The following TRIM29 variants were observed in gnomAD, a reference collection of about 807,000 sequenced individuals.
TRIM29 encodes tripartite motif containing 29.
In TRIM29, 52 loss-of-function variants were observed where a neutral mutation model predicts 57.3. That is an observed-to-expected ratio of 0.91 (90% CI 0.73 to 1.14). The LOEUF is 1.14. Among genes scored for constraint, TRIM29 ranks in the 50% most tolerant of loss-of-function variants. TRIM29 has a pLI of 0.00. For missense variants in TRIM29, 753 were observed against 774.6 expected, an observed-to-expected ratio of 0.97 and a Z score of 0.33; for synonymous variants, 319 against 316.9, an observed-to-expected ratio of 1.01 and a Z score of -0.07.
At chr11:120,129,057 T>A in intron 1 of TRIM29, 1 of 536,252 alleles carries the variant, frequency 1.9e-6, no homozygotes, top group Non-Finnish European at 2.8e-6. Context: ...CATTCTGCAG[T>A]TTTGGCAAGA....
rs916848352 is a variant in TRIM29 at position 120,137,929 on chromosome 11, C to A, written c.103G>T (p.Ala35Ser). The A allele has an allele frequency of 8.7e-6, 14 of 1,609,182 alleles. No homozygotes were observed. Among genetic ancestry groups the A allele is most frequent in the Non-Finnish European group, 1.0e-5 (12 of 1,180,004 alleles). ...GTGGTCTTGGCATCCTTGCCGTCAG[C>A]CTTGGTGCCATTCTCCAGGCTGCCA... ...PSGSLENGTK[A>S]DGKDAKTTNG... The change falls in exon 1 of 9, where the codon GCT (alanine) becomes TCT (serine). Residue 35 changes from alanine to serine, a missense_variant. Coordinates refer to ENST00000341846, the MANE Select transcript of TRIM29 (RefSeq NM_012101.4). The surrounding 1 kb of genome is among the most constrained non-coding windows in gnomAD (Gnocchi z 6.2).
intron 1 of TRIM29, among the ~76,000 whole-genome samples, chr11:120,135,401 C>A (rs922330318): frequency 6.6e-6 from 1 of 152,044 alleles, no homozygotes; most frequent in Non-Finnish European, 1.5e-5. Flanking sequence ...TGAGACTGAG[C>A]GTGGAAAGGA....
chr11:120,124,097 C>G (rs1315824171), intron 4 of TRIM29: 1 of 157,112 alleles, frequency 6.4e-6, no homozygotes, highest in Non-Finnish European at 1.4e-5. Context: ...CCCCACGGCC[C>G]CAGGCACAGG....
At chr11:120,132,279 CTCCCTCT>C (rs1031833161) in intron 1 of TRIM29, among the ~76,000 whole-genome samples, 1 of 144,584 alleles carries the variant, frequency 6.9e-6, no homozygotes, top group Non-Finnish European at 1.5e-5. Flanking sequence ...CTCTCCCTCT[CTCCCTCT>C]TCCCTCAGAA....
intron 4 of TRIM29, chr11:120,123,916 CTT>C (rs1261110346): frequency 5.2e-6 from 1 of 192,934 alleles, no homozygotes; most frequent in Non-Finnish European, 1.1e-5. Flanking sequence ...CCTGGTGTCT[CTT>C]AGCGCAGGGG....
At chr11:120,126,792 T>C (rs1356190815) in intron 3 of TRIM29, among the ~76,000 whole-genome samples, 1 of 152,232 alleles carries the variant, frequency 6.6e-6, no homozygotes, top group East Asian at 1.9e-4. Flanking sequence ...CTTTTCTATA[T>C]TGTTCTTTAA....
At chr11:120,128,532 G>A (rs369330010) in intron 1 of TRIM29, 37 bp from the exon 2 acceptor site, 2 of 1,594,326 alleles carry the variant, frequency 1.3e-6, no homozygotes, top group Non-Finnish European at 8.5e-7. Context: ...AAGTCAGGGG[G>A]AGGAGATGGA....
chr11:120,120,092 C>G (rs1863394605), intron 6 of TRIM29, among the ~76,000 whole-genome samples: 2 of 152,074 alleles, frequency 1.3e-5, no homozygotes, highest in African/African-American at 4.8e-5. Context: ...AAGTTGACAA[C>G]TAACCACTGT....
chr11:120,118,784 C>A (rs1342050413), intron 6 of TRIM29: 3 of 155,336 alleles, frequency 1.9e-5, no homozygotes, highest in African/African-American at 4.8e-5. Flanking sequence ...CTGCTTGCCA[C>A]CCTCGGCGAT....
rs536267552 is a variant in TRIM29 at position 120,120,291 on chromosome 11, G to A, written c.1528+282C>T. Among the ~76,000 whole-genome samples the A allele has an allele frequency of 2.6e-5, 4 of 151,342 alleles. No individual in the cohort carries two copies. The South Asian group carries it at 6.3e-4, about 24-fold the overall frequency. ...AGACTCAGGGATCTCCAGGGATGCC[G>A]AGATTCCTGGCTGTTTTTCCTCCAG... On this transcript the variant is annotated intron_variant, in intron 6 of 8. Transcript: ENST00000341846.
Position 120,127,319 on chromosome 11 carries a change from G to A in TRIM29, c.1134+17C>T. The A allele has an allele frequency of 1.9e-6, 3 of 1,610,370 alleles. No individual in the cohort carries two copies. The highest frequency in any genetic ancestry group is 2.2e-5 in the South Asian group (2 of 90,904). ...TGTGAAATCGAGGGCTTGAGTGACA[G>A]AGGAGTGGCTTGTTACCTGCAGAAA... On this transcript the variant is annotated intron_variant, in intron 3 of 8. Transcript: ENST00000341846.
chr11:120,134,199 G>T (rs147966352), intron 1 of TRIM29, among the ~76,000 whole-genome samples: 1 of 152,270 alleles, frequency 6.6e-6, no homozygotes, highest in Non-Finnish European at 1.5e-5. Flanking sequence ...CCAGAGGAAG[G>T]TGCTGTCATG....
chr11:120,112,121 C>T lies in TRIM29; in HGVS notation c.*293G>A, dbSNP rs776365343. 6.4e-4 allele frequency: 243 copies of T among 381,202 alleles called. 2 individuals are homozygous for T. The highest frequency in any genetic ancestry group is 2.3e-4 in the Admixed American group (5 of 22,198). The allele number at this position is 381,202 out of a possible 1,614,324, so 23.6% of individuals were successfully genotyped here. ...ATCCAGCCCGAGAGGAGGAGGCTGG[C>T]GGGTTAGGGCAGGCCCCAACCTATC... On this transcript the variant is annotated 3_prime_UTR_variant, in exon 9 of 9. Coordinates refer to ENST00000341846, the MANE Select transcript of TRIM29 (RefSeq NM_012101.4).
chr11:120,126,255 TTTC>T (rs897093500), intron 3 of TRIM29: 55 of 147,796 alleles, frequency 3.7e-4, no homozygotes, highest in Non-Finnish European at 6.1e-4. Context: ...TATTTCTTTC[TTTC>T]TTTTTTTTTT....
At chr11:120,124,641 C>T (rs1411551477) in intron 4 of TRIM29, 4 of 152,190 alleles carry the variant, frequency 2.6e-5, no homozygotes, top group East Asian at 1.9e-4. Context: ...CCATTAGCAT[C>T]ATCACTATTG....
At chr11:120,122,023 A>G in intron 5 of TRIM29, 1 of 448,538 alleles carries the variant, frequency 2.2e-6, no homozygotes, top group Non-Finnish European at 4.5e-6. Flanking sequence ...GGAAAGCCCA[A>G]CAACCAAGAA....
rs1285524714 is a variant in TRIM29 at position 120,137,061 on chromosome 11, TA to T, written c.804+166del. Among the ~76,000 whole-genome samples, 4 of 152,054 alleles carry T rather than the reference TA, an allele frequency of 2.6e-5. No individual in the cohort carries two copies. The highest frequency in any genetic ancestry group is 5.9e-5 in the Non-Finnish European group (4 of 68,016). ...GCAACCTCTGATCCCCAGCTGGGAT[TA>T]GGGGGGACAGGGGGCATGAGGGGAA... On this transcript the variant is annotated intron_variant, in intron 1 of 8. Transcript: ENST00000341846. This position sits in a 1 kb window ranked among gnomAD's most constrained non-coding sequence, Gnocchi z 6.2.
chr11:120,112,270 C>A lies in TRIM29; in HGVS notation c.*144G>T. 1.1e-6 allele frequency: 1 copy of A among 918,404 alleles called. No individual in the cohort carries two copies. Among genetic ancestry groups the A allele is most frequent in the Non-Finnish European group, 1.7e-6 (1 of 605,690 alleles). 56.9% of individuals were successfully genotyped at this position (918,404 alleles called of 1,614,324 possible). ...GAAGTCGGAGAGGCCGGAACTGCCC[C>A]CAAGAGGCTGGCAGAGGGCTGCAGA... On this transcript the variant is annotated 3_prime_UTR_variant, in exon 9 of 9. Transcript: ENST00000341846.
chr11:120,112,047 G>T lies in TRIM29; in HGVS notation c.*367C>A. On this transcript the variant is annotated 3_prime_UTR_variant, in exon 9 of 9. Coordinates refer to ENST00000341846, the MANE Select transcript of TRIM29 (RefSeq NM_012101.4). ...TAGGCCTGGAGACAGCAGGGCGTGG[G>T]CGGGAGAGGCAGGCTGATACCATGC... 3.5e-6 allele frequency: 1 copy of T among 283,462 alleles called. No individual in the cohort carries two copies. Among genetic ancestry groups the T allele is most frequent in the South Asian group, 3.4e-5 (1 of 29,358 alleles). The allele number at this position is 283,462 out of a possible 1,614,324, so 17.6% of individuals were successfully genotyped here. A position where few individuals can be genotyped will look rare whatever the true frequency, so the allele number is the denominator to read the frequency against.
Sources: gnomAD v4.1 joint callset for allele counts (sites outside exome capture counted in the v4.1 genomes callset) on GRCh38, gnomAD v4.1.1 for gene constraint, Gnocchi (gnomAD v3.1) non-coding constraint, MANE v1.5 for transcripts, NCBI Gene and HGNC (gene_info 2026-07-23, HGNC 2026-07-21) for gene names.